Variants in THEMIS observed in about 807,000 individuals in gnomAD.
The protein encoded by THEMIS is protein THEMIS.
In THEMIS, 37 loss-of-function variants were observed where a neutral mutation model predicts 52.6. The ratio of observed to expected loss-of-function variants is 0.70; its 90% confidence interval spans 0.54 to 0.93. The LOEUF (loss-of-function observed/expected upper bound fraction) is 0.93, where lower values mean the gene tolerates loss of function less well. THEMIS is among the 40% of genes least tolerant of loss of function. THEMIS has a pLI of 0.00. For synonymous variants in THEMIS, 292 were observed against 272.7 expected (o/e 1.07, Z -0.70); for missense variants, 808 against 763.1 (o/e 1.06, Z -0.69).
intron 1 of THEMIS, among the ~76,000 whole-genome samples, chr6:127,864,324 C>T (rs985259622): frequency 6.6e-6 from 1 of 151,378 alleles, no homozygotes; most frequent in Non-Finnish European, 1.5e-5. Flanking sequence ...ACTCTTTGTG[C>T]CAGATCAGAA....
chr6:127,796,181 T>G (rs956655910), intron 4 of THEMIS, among the ~76,000 whole-genome samples: 1 of 152,158 alleles, frequency 6.6e-6, no homozygotes, highest in Non-Finnish European at 1.5e-5. Context: ...TTATTATTAT[T>G]ATGATCATTA....
At chr6:127,890,200 T>A (rs1235769380) in intron 1 of THEMIS, among the ~76,000 whole-genome samples, 1 of 152,120 alleles carries the variant, frequency 6.6e-6, no homozygotes, top group Non-Finnish European at 1.5e-5. Flanking sequence ...AAACAAGCAC[T>A]AAAATAAATT....
At chr6:127,770,590 T>C (rs185215466) in intron 4 of THEMIS, among the ~76,000 whole-genome samples, 11 of 152,320 alleles carry the variant, frequency 7.2e-5, no homozygotes, top group African/African-American at 2.6e-4. Flanking sequence ...TTCACTCTAA[T>C]GATAGTTTCT....
intron 1 of THEMIS, among the ~76,000 whole-genome samples, chr6:127,883,986 G>A (rs9375538): frequency 0.04 from 6,057 of 152,054 alleles, 692 homozygotes; most frequent in East Asian, 0.39. Flanking sequence ...CACACTGCCC[G>A]GTCCATAGCA....
rs1777993484 is a variant in THEMIS, at chr6:127,813,330, C to T, written c.1311G>A (p.Val437=). 1 of 1,614,190 alleles carries T rather than the reference C, an allele frequency of 6.2e-7. No individual in the cohort carries two copies. Among genetic ancestry groups the T allele is most frequent in the East Asian group, 2.2e-5 (1 of 44,882 alleles). ...TCGGGTACTGTTTCTTATCATGAAT[C>T]ACCTCTACAAAACCTCCTTCCATGT... The part of the protein sequence containing the change: ...PLYMEGGFVE[V]IHDKKQYPIS... The change falls in exon 4 of 6, where the codon GTG becomes GTA. Residue 437 remains valine, a synonymous_variant. Coordinates refer to ENST00000368248, the MANE Select transcript of THEMIS (RefSeq NM_001010923.3).
intron 4 of THEMIS, among the ~76,000 whole-genome samples, chr6:127,737,675 CAT>C (rs1170912583): frequency 6.6e-6 from 1 of 152,136 alleles, no homozygotes; most frequent in Non-Finnish European, 1.5e-5. Context: ...ACAAATATAT[CAT>C]AAACTAATTC....
intron 1 of THEMIS, chr6:127,868,358 T>C (rs1780049150): frequency 2.3e-6 from 2 of 880,440 alleles, no homozygotes; most frequent in Non-Finnish European, 1.4e-6. Flanking sequence ...TGGGGCTTTG[T>C]TTTCCCTTAA....
At chr6:127,812,163 C>A (rs1420482010) in intron 4 of THEMIS, among the ~76,000 whole-genome samples, 1 of 152,152 alleles carries the variant, frequency 6.6e-6, no homozygotes, top group Non-Finnish European at 1.5e-5. Flanking sequence ...TAAGGGCAAG[C>A]GCTTTGCAGG....
chr6:127,861,922 T>A (rs1208014742), intron 1 of THEMIS, among the ~76,000 whole-genome samples: 5 of 152,110 alleles, frequency 3.3e-5, no homozygotes, highest in African/African-American at 1.2e-4. Flanking sequence ...TTGTGCATTT[T>A]AAAATTTTAT....
upstream of THEMIS, among the ~76,000 whole-genome samples, chr6:127,902,203 G>C (rs1781153211): frequency 1.3e-5 from 2 of 151,510 alleles, no homozygotes; most frequent in Non-Finnish European, 2.9e-5. Context: ...GCACATGCCT[G>C]TAGTCCCAGC....
At chr6:127,829,221 C>T (rs755878820) in intron 3 of THEMIS, among the ~76,000 whole-genome samples, 4 of 152,172 alleles carry the variant, frequency 2.6e-5, no homozygotes, top group Non-Finnish European at 5.9e-5. Flanking sequence ...GTAGTTTGAT[C>T]TGTCTGTTCC....
intron 1 of THEMIS, among the ~76,000 whole-genome samples, chr6:127,877,718 A>G (rs865779099): frequency 5.9e-5 from 9 of 152,220 alleles, no homozygotes; most frequent in Non-Finnish European, 1.0e-4. Flanking sequence ...CAACAAATAT[A>G]CTAATGAAAA....
chr6:127,894,438 A>G lies in THEMIS; in HGVS notation c.91+6404T>C, dbSNP rs541462868. On this transcript the variant is annotated intron_variant, in intron 1 of 5. Coordinates refer to ENST00000368248, the MANE Select transcript of THEMIS (RefSeq NM_001010923.3). ...ATTAATAGCTACTGGATTTAAAAAG[A>G]AATACATTATAATTAGATCTGAGGA... is the stretch of plus-strand genomic sequence containing the variant. 2.6e-5 allele frequency among the ~76,000 whole-genome samples: 4 copies of G among 152,170 alleles called. No individual in the cohort carries two copies. In the South Asian group the frequency reaches 8.3e-4, roughly 32 times the overall value.
upstream of THEMIS, among the ~76,000 whole-genome samples, chr6:127,905,602 A>C (rs1426258521): frequency 2.6e-5 from 4 of 152,076 alleles, no homozygotes; most frequent in Admixed American, 6.6e-5. Flanking sequence ...TTGAGTTCCC[A>C]AAACAATAAT....
At chr6:127,869,667 TCCTA>T (rs1455726152) in intron 1 of THEMIS, among the ~76,000 whole-genome samples, 2 of 152,158 alleles carry the variant, frequency 1.3e-5, no homozygotes, top group African/African-American at 4.8e-5. Context: ...ACATACATTT[TCCTA>T]CCATCATATG....
chr6:127,897,733 C>T (rs156062), intron 1 of THEMIS, among the ~76,000 whole-genome samples: 111,481 of 151,338 alleles, frequency 0.74, 41,601 homozygotes, highest in East Asian at 0.97. Flanking sequence ...TTTTCATTAG[C>T]TTCCAAGGGT....
intron 4 of THEMIS, among the ~76,000 whole-genome samples, chr6:127,792,518 G>A (rs1284879171): frequency 6.6e-6 from 1 of 152,124 alleles, no homozygotes; most frequent in Non-Finnish European, 1.5e-5. Flanking sequence ...TTAAAATTTT[G>A]TAATATGGTT....
intron 4 of THEMIS, among the ~76,000 whole-genome samples, chr6:127,749,921 A>G (rs1775577243): frequency 6.6e-6 from 1 of 150,566 alleles, no homozygotes; most frequent in Non-Finnish European, 1.5e-5. Flanking sequence ...CAAGGTATTA[A>G]TAGACAGGCA....
At chr6:127,887,760 T>A (rs1177403635) in intron 1 of THEMIS, among the ~76,000 whole-genome samples, 1 of 152,170 alleles carries the variant, frequency 6.6e-6, no homozygotes, top group Non-Finnish European at 1.5e-5. Flanking sequence ...AAAATGGTCT[T>A]AAATCGATGA....
Sources: allele counts gnomAD v4.1 joint callset (sites outside exome capture counted in the v4.1 genomes callset), GRCh38; gene constraint gnomAD v4.1.1; transcripts MANE v1.5; gene names NCBI Gene and HGNC (gene_info 2026-07-23, HGNC 2026-07-21).